Variants in PRKD2 observed in about 807,000 individuals in gnomAD.
PRKD2 encodes the protein protein kinase D2.
PRKD2 carries 22 observed loss-of-function variants against 86.0 expected under a neutral mutation model. The observed-to-expected ratio is 0.26, with a 90% confidence interval of 0.18 to 0.37. The LOEUF is 0.37. Ranked by LOEUF, PRKD2 falls within the 10% of genes least tolerant of loss-of-function variation. The pLI is 1.00. For synonymous variants in PRKD2, 509 were observed against 510.9 expected (o/e 1.00, Z 0.05); for missense variants, 818 against 1,199.2 (o/e 0.68, Z 4.70).
chr19:46,708,621 A>G (rs567694806), intron 3 of PRKD2, among the ~76,000 whole-genome samples: 1 of 152,170 alleles, frequency 6.6e-6, no homozygotes, highest in African/African-American at 2.4e-5. Flanking sequence ...TTCCTTATAA[A>G]GGGAAGAGAT....
At chr19:46,690,757 C>T in intron 12 of PRKD2, 51 bp from the exon 13 acceptor site, 1 of 1,524,416 alleles carries the variant, frequency 6.6e-7, no homozygotes, top group Non-Finnish European at 9.1e-7. Context: ...ACCACCCAGT[C>T]CTGGCAGGAG....
chr19:46,676,182 A>G (rs1247067785), intron 16 of PRKD2, among the ~76,000 whole-genome samples: 2 of 152,112 alleles, frequency 1.3e-5, no homozygotes, highest in African/African-American at 2.4e-5. Flanking sequence ...TAATCCCAAC[A>G]CTTTGGGAGG....
rs567889413 is a variant in PRKD2, at chr19:46,701,197, C to A, written c.890-85G>T. On this transcript the variant is annotated intron_variant, in intron 5 of 17. Coordinates refer to ENST00000291281, the MANE Select transcript of PRKD2 (RefSeq NM_016457.5). ...TTGAACCTTGACCCTAAGCCTCAGG[C>A]TCAAAAGAGTCTACTCTTGCTGTCT... is the stretch of plus-strand genomic sequence containing the variant. 6.4e-5 allele frequency: 90 copies of A among 1,396,792 alleles called. 1 individual carries two copies. In the South Asian group the frequency reaches 8.6e-4, roughly 13 times the overall value. The allele number at this position is 1,396,792 out of a possible 1,614,324, so 86.5% of individuals were successfully genotyped here.
chr19:46,683,503 C>G (rs762763429), intron 14 of PRKD2, among the ~76,000 whole-genome samples: 1 of 152,064 alleles, frequency 6.6e-6, no homozygotes, highest in East Asian at 1.9e-4. Flanking sequence ...AGGTGGATCA[C>G]CTGAGGTCAG....
chr19:46,716,154 C>A lies in PRKD2; in HGVS notation c.217G>T (p.Ala73Ser). Residue 73 changes from alanine to serine, a missense_variant, in exon 1 of 18, where the codon GCC (alanine) becomes TCC (serine). Physicochemically the swap from Ala to Ser is moderately conservative, Grantham distance 99. Around this residue, in one of 5 missense-constraint regions of PRKD2, gnomAD observed 403 missense variants for 518.6 expected, o/e 0.78. Transcript: ENST00000291281. The surrounding 1 kb of genome is among the most constrained non-coding windows in gnomAD (Gnocchi z 7.9). Reference sequence around the variant, plus strand: ...ACCTTCTGGTCCACGATGGAACAGGCCAGCTGCTTCACATGAGCCAGCTCG... The same window carrying A: ...ACCTTCTGGTCCACGATGGAACAGGACAGCTGCTTCACATGAGCCAGCTCG... ...ASELAHVKQL[A>S]CSIVDQKFPE... 1.2e-6 allele frequency: 2 copies of A among 1,611,622 alleles called. No individual in the cohort carries two copies. The highest frequency in any genetic ancestry group is 1.7e-6 in the Non-Finnish European group (2 of 1,179,442).
chr19:46,683,903 C>G (rs1420323013), intron 14 of PRKD2, among the ~76,000 whole-genome samples: 1 of 151,956 alleles, frequency 6.6e-6, no homozygotes, highest in East Asian at 1.9e-4. Flanking sequence ...TAAAGCTTCT[C>G]CTGCTGTATC....
chr19:46,704,453 A>AC (rs775365542), intron 4 of PRKD2, 42 bp downstream of exon 4: 5 of 1,613,284 alleles, frequency 3.1e-6, no homozygotes, highest in Middle Eastern at 1.7e-4. Flanking sequence ...GGGCCAAGTC[A>AC]CCCCCCTAGC....
intron 14 of PRKD2, among the ~76,000 whole-genome samples, chr19:46,682,701 ATTTTT>A (rs71177241): frequency 7.8e-5 from 8 of 102,846 alleles, no homozygotes; most frequent in Admixed American, 1.1e-4. Flanking sequence ...ATGTGATTCT[ATTTTT>A]TTTTTTTTTT....
At chr19:46,681,837 TAC>T in intron 14 of PRKD2, 89 bp from the exon 15 acceptor site, 1 of 657,352 alleles carries the variant, frequency 1.5e-6, no homozygotes, top group South Asian at 1.9e-5. Context: ...AACCCATCCA[TAC>T]TTTTTTTTTT....
Position 46,716,418 on chromosome 19 carries a change from C to T in PRKD2, c.-48G>A. The T allele has an allele frequency of 2.8e-6, 2 of 708,210 alleles. No homozygotes were observed. The highest frequency in any genetic ancestry group is 2.1e-5 in the African/African-American group (1 of 48,392). The allele number at this position is 708,210 out of a possible 1,614,324, so 43.9% of individuals were successfully genotyped here. A position where few individuals can be genotyped will look rare whatever the true frequency, so the allele number is the denominator to read the frequency against. On this transcript the variant is annotated 5_prime_UTR_variant, in exon 1 of 18. Coordinates refer to ENST00000291281, the MANE Select transcript of PRKD2 (RefSeq NM_016457.5). This position sits in a 1 kb window ranked among gnomAD's most constrained non-coding sequence, Gnocchi z 7.9. ...GCCTGGAGCCCACCCGGGACCCGGC[C>T]GGGGGGCCCCGGGGGACCCTGGGTT... is the stretch of plus-strand genomic sequence containing the variant.
At chr19:46,703,958 A>AACACACACACAC (rs10528388) in intron 5 of PRKD2, among the ~76,000 whole-genome samples, 19,439 of 133,470 alleles carry the variant, frequency 0.15, 1,640 homozygotes, top group South Asian at 0.24. Flanking sequence ...AAACAACAAC[A>AACACACACACAC]ACACACACAC....
chr19:46,697,373 C>T, intron 8 of PRKD2, 139 bp from the exon 9 acceptor site: 1 of 637,968 alleles, frequency 1.6e-6, no homozygotes, highest in Non-Finnish European at 2.7e-6. Flanking sequence ...CGCCGTAACC[C>T]CACCCCACCA....
rs1236091530 is a variant in PRKD2 at position 46,678,236 on chromosome 19, C to T, written c.2338+160G>A. 4.3e-6 allele frequency: 5 copies of T among 1,153,594 alleles called. 1 individual carries two copies. The highest frequency in any genetic ancestry group is 5.9e-4 in the Middle Eastern group (2 of 3,412). 71.5% of individuals were successfully genotyped at this position (1,153,594 alleles called of 1,614,324 possible). A position where few individuals can be genotyped will look rare whatever the true frequency, so the allele number is the denominator to read the frequency against. On this transcript the variant is annotated intron_variant, in intron 16 of 17. Transcript: ENST00000291281. The surrounding 1 kb of genome is among the most constrained non-coding windows in gnomAD (Gnocchi z 5.7). The stretch of plus-strand genomic sequence containing the variant: ...CAGCCCATCTTTTACAGGACGGCTC[C>T]TCCTGTAGCCACATCCCTCCAGTAG...
chr19:46,714,726 G>A (rs1471380858), intron 1 of PRKD2: 1 of 152,572 alleles, frequency 6.6e-6, no homozygotes, highest in Admixed American at 6.5e-5. Flanking sequence ...GGCAGGCTGG[G>A]GACTTGAGCA....
At chr19:46,682,336 G>C (rs1249832433) in intron 14 of PRKD2, among the ~76,000 whole-genome samples, 1 of 151,920 alleles carries the variant, frequency 6.6e-6, no homozygotes, top group Non-Finnish European at 1.5e-5. Context: ...TTTATTTTTA[G>C]TAGAGACAGG....
At chr19:46,700,431 A>G (rs2053619669) in intron 7 of PRKD2, among the ~76,000 whole-genome samples, 1 of 151,660 alleles carries the variant, frequency 6.6e-6, no homozygotes, top group African/African-American at 2.4e-5. Flanking sequence ...TCAGGAGTTC[A>G]AGACCAGCCT....
intron 5 of PRKD2, 78 bp downstream of exon 5, chr19:46,704,091 T>C (rs1319849107): frequency 8.2e-6 from 13 of 1,584,070 alleles, no homozygotes; most frequent in Non-Finnish European, 1.1e-5. Flanking sequence ...CTCAGATCCT[T>C]GTGTCCTGCC....
intron 12 of PRKD2, among the ~76,000 whole-genome samples, chr19:46,691,373 G>A (rs1316134223): frequency 6.6e-6 from 1 of 151,956 alleles, no homozygotes; most frequent in Non-Finnish European, 1.5e-5. Flanking sequence ...CTACGAACTA[G>A]TTCTGTGGCC....
Position 46,713,843 on chromosome 19 carries a change from G to T in PRKD2, c.379+20C>A. On this transcript the variant is annotated intron_variant, in intron 2 of 17. Coordinates refer to ENST00000291281, the MANE Select transcript of PRKD2 (RefSeq NM_016457.5). Reference sequence around the variant, plus strand: ...GCCCCCACCCGAGGCCCCGCCCCCAGGCCGGCCACCACCTCTCACCCGACA... The same window carrying T: ...GCCCCCACCCGAGGCCCCGCCCCCATGCCGGCCACCACCTCTCACCCGACA... 2 of 848,908 alleles carry T rather than the reference G, an allele frequency of 2.4e-6. No individual in the cohort carries two copies. The highest frequency in any genetic ancestry group is 2.2e-5 in the South Asian group (1 of 46,400). The allele number at this position is 848,908 out of a possible 1,614,324, so 52.6% of individuals were successfully genotyped here.
Sources: gnomAD v4.1 joint callset for allele counts (sites outside exome capture counted in the v4.1 genomes callset) on GRCh38, gnomAD v4.1.1 for gene constraint, gnomAD v4.1.1 regional missense constraint, Gnocchi (gnomAD v3.1) non-coding constraint, MANE v1.5 for transcripts, NCBI Gene and HGNC (gene_info 2026-07-23, HGNC 2026-07-21) for gene names.